Variants in SMYD3 observed in about 807,000 individuals in gnomAD.
SMYD3 encodes the protein SET and MYND domain containing 3.
A neutral mutation model predicts 57.7 loss-of-function variants in SMYD3; 36 were observed. The observed-to-expected ratio is 0.62, with a 90% CI of 0.48 to 0.82. The LOEUF (loss-of-function observed/expected upper bound fraction) is 0.82. Among genes scored for constraint, SMYD3 ranks in the 40% least tolerant of loss-of-function variants. The pLI is 0.00. For missense variants in SMYD3, 515 were observed against 538.8 expected (o/e 0.96, Z 0.44); for synonymous variants, 211 against 195.0 (o/e 1.08, Z -0.68).
At chr1:246,262,326 A>G (rs2064027369) in intron 5 of SMYD3, among the ~76,000 whole-genome samples, 1 of 152,212 alleles carries the variant, frequency 6.6e-6, no homozygotes, top group Admixed American at 6.5e-5. Context: ...AAATCTTGAC[A>G]TTGCTTGAGA....
At chr1:246,142,086 A>G (rs2061766483) in intron 5 of SMYD3, among the ~76,000 whole-genome samples, 1 of 152,112 alleles carries the variant, frequency 6.6e-6, no homozygotes, top group Admixed American at 6.5e-5. Flanking sequence ...CCAGAAGGAT[A>G]CCTCTCTTCT....
At chr1:246,302,551 G>A (rs1026538571) in intron 5 of SMYD3, among the ~76,000 whole-genome samples, 1 of 152,138 alleles carries the variant, frequency 6.6e-6, no homozygotes, top group African/African-American at 2.4e-5. Context: ...GACTACTTCT[G>A]TTACAATGAT....
chr1:246,059,215 G>A (rs542900348), intron 5 of SMYD3, among the ~76,000 whole-genome samples: 7 of 152,188 alleles, frequency 4.6e-5, no homozygotes, highest in Non-Finnish European at 8.8e-5. Flanking sequence ...ATTCACCAGC[G>A]GTAAAAGTAA....
In SMYD3 at chr1:246,155,247, T is replaced by C. The variant is rs892080509; in HGVS notation, c.531+171954A>G. ...CTATTACTAATAATTCCAGCAATTATACTGGTATTACTTTAAAAAGAAAAA... is the reference window on the plus strand; with the variant it reads ...CTATTACTAATAATTCCAGCAATTACACTGGTATTACTTTAAAAAGAAAAA... On this transcript the variant is annotated intron_variant, in intron 5 of 11. Transcript: ENST00000490107. Among the ~76,000 whole-genome samples, 13 of 152,228 alleles carry C rather than the reference T, an allele frequency of 8.5e-5. No individual in the cohort carries two copies. In the East Asian group the frequency reaches 1.2e-3, roughly 14 times the overall value.
intron 5 of SMYD3, among the ~76,000 whole-genome samples, chr1:246,102,442 G>T (rs1212827293): frequency 6.6e-6 from 1 of 151,974 alleles, no homozygotes; most frequent in Non-Finnish European, 1.5e-5. Context: ...TCCATTAAAG[G>T]GTAAACCCTT....
intron 5 of SMYD3, among the ~76,000 whole-genome samples, chr1:246,171,417 G>A (rs186027532): frequency 9.2e-4 from 140 of 152,128 alleles, no homozygotes; most frequent in African/African-American, 3.0e-3. Flanking sequence ...AGGGAGTGCC[G>A]GTGTCATCAC....
intron 5 of SMYD3, among the ~76,000 whole-genome samples, chr1:246,011,982 T>A (rs1055165495): frequency 1.8e-4 from 28 of 152,172 alleles, no homozygotes; most frequent in Non-Finnish European, 2.8e-4. Context: ...TGGCTGTCAA[T>A]ATCATTGTCC....
At chr1:246,229,446 T>A (rs6667269) in intron 5 of SMYD3, among the ~76,000 whole-genome samples, 31,579 of 152,204 alleles carry the variant, frequency 0.21, 3,994 homozygotes, top group East Asian at 0.58. Flanking sequence ...TATTGAAATT[T>A]AAATTTTGCA....
chr1:245,757,069 A>T (rs1037768842), intron 11 of SMYD3, among the ~76,000 whole-genome samples: 2 of 152,094 alleles, frequency 1.3e-5, no homozygotes, highest in Non-Finnish European at 2.9e-5. Flanking sequence ...AACCATTACT[A>T]CTATCCATAT....
intron 10 of SMYD3, among the ~76,000 whole-genome samples, chr1:245,792,783 G>T (rs1441140598): frequency 6.6e-6 from 1 of 152,174 alleles, no homozygotes; most frequent in Admixed American, 6.5e-5. Context: ...TTGGGTGGAC[G>T]AAGGGAGAGG....
intron 1 of SMYD3, among the ~76,000 whole-genome samples, chr1:246,485,913 T>G (rs180768816): frequency 2.6e-5 from 4 of 152,212 alleles, no homozygotes; most frequent in African/African-American, 9.6e-5. Flanking sequence ...ACAGGAATAA[T>G]ATAAAGAGAG....
intron 1 of SMYD3, among the ~76,000 whole-genome samples, chr1:246,383,911 G>A (rs1287429627): frequency 6.6e-6 from 1 of 152,178 alleles, no homozygotes; most frequent in Non-Finnish European, 1.5e-5. Context: ...AATACATGAA[G>A]AGGAAGTGCA....
chr1:246,304,305 A>G (rs1447671936), intron 5 of SMYD3, among the ~76,000 whole-genome samples: 1 of 152,242 alleles, frequency 6.6e-6, no homozygotes, highest in Non-Finnish European at 1.5e-5. Context: ...AGCAAAATAT[A>G]ATGAACTTGA....
At chr1:246,492,934 C>T (rs547212949) in intron 1 of SMYD3, among the ~76,000 whole-genome samples, 1 of 152,236 alleles carries the variant, frequency 6.6e-6, no homozygotes, top group South Asian at 2.1e-4. Flanking sequence ...GGGTTTAATC[C>T]TTATGTTTTC....
chr1:246,324,737 TA>T (rs763829429), intron 5 of SMYD3, among the ~76,000 whole-genome samples: 1 of 151,738 alleles, frequency 6.6e-6, no homozygotes, highest in Non-Finnish European at 1.5e-5. Flanking sequence ...TGTTTTATGT[TA>T]TTTTTTTATG....
chr1:246,182,504 T>C (rs116289052), intron 5 of SMYD3, among the ~76,000 whole-genome samples: 184 of 150,666 alleles, frequency 1.2e-3, no homozygotes, highest in African/African-American at 4.4e-3. Flanking sequence ...GTAGCCACTT[T>C]CATGCAAAGC....
chr1:245,814,528 G>T, intron 10 of SMYD3: 1 of 414,832 alleles, frequency 2.4e-6, no homozygotes, highest in Non-Finnish European at 3.2e-6. Context: ...TGCCCTTCTA[G>T]TACTGACTAC....
intron 1 of SMYD3, among the ~76,000 whole-genome samples, chr1:246,501,675 C>A (rs757101805): frequency 2.6e-5 from 4 of 152,226 alleles, no homozygotes; most frequent in African/African-American, 9.6e-5. Context: ...TTCCCGTCCC[C>A]TCTCTCCGTC....
intron 1 of SMYD3, among the ~76,000 whole-genome samples, chr1:246,451,527 G>C (rs1231482570): frequency 6.6e-6 from 1 of 152,140 alleles, no homozygotes; most frequent in African/African-American, 2.4e-5. Flanking sequence ...CAGGGGGCAG[G>C]GAAATTACTC....
Sources: gnomAD v4.1 joint callset for allele counts (sites outside exome capture counted in the v4.1 genomes callset) on GRCh38, gnomAD v4.1.1 for gene constraint, MANE v1.5 for transcripts, NCBI Gene and HGNC (gene_info 2026-07-23, HGNC 2026-07-21) for gene names.